PTPRD: variants seen among roughly 807,000 people sequenced by gnomAD.
PTPRD encodes the protein receptor-type tyrosine-protein phosphatase delta.
Under a neutral mutation model 214.5 loss-of-function variants are expected in PTPRD, and 34 were observed. That is an observed-to-expected ratio of 0.16 (90% CI 0.12 to 0.21). The LOEUF is 0.21. Ranked by LOEUF, PTPRD falls within the 10% of genes least tolerant of loss-of-function variation. The probability of loss-of-function intolerance (pLI) is 1.00; values close to 1 mark genes in which losing one functional copy is unlikely to be tolerated. For synonymous variants in PTPRD, 1,128 were observed against 845.7 expected, an observed-to-expected ratio of 1.33 and a Z score of -5.79; for missense variants, 2,545 against 2,398.7, an observed-to-expected ratio of 1.06 and a Z score of -1.27.
At chr9:9,183,034 G>A (rs1353444435) in intron 10 of PTPRD, among the ~76,000 whole-genome samples, 2 of 151,740 alleles carry the variant, frequency 1.3e-5, no homozygotes, top group African/African-American at 2.4e-5. Flanking sequence ...TTCCCCCCAC[G>A]TTCAGGCCTA....
At chr9:8,811,242 A>T (rs745778476) in intron 11 of PTPRD, among the ~76,000 whole-genome samples, 7 of 152,076 alleles carry the variant, frequency 4.6e-5, no homozygotes, top group Non-Finnish European at 1.0e-4. Flanking sequence ...CCTTCCCGAC[A>T]ACTTCCCAGT....
intron 3 of PTPRD, among the ~76,000 whole-genome samples, chr9:10,095,083 A>C (rs2098469903): frequency 6.6e-6 from 1 of 151,422 alleles, no homozygotes; most frequent in South Asian, 2.1e-4. Context: ...ACAATTTTCA[A>C]AGAGGAAAGA....
intron 11 of PTPRD, chr9:8,861,826 TC>T (rs1459053733): frequency 6.6e-6 from 1 of 152,194 alleles, no homozygotes; most frequent in East Asian, 1.9e-4. Flanking sequence ...GTGAGGAATT[TC>T]ATAAAACACT....
intron 8 of PTPRD, among the ~76,000 whole-genome samples, chr9:9,503,488 A>T (rs1019379822): frequency 4.0e-5 from 6 of 151,798 alleles, no homozygotes; most frequent in African/African-American, 7.2e-5. Flanking sequence ...CTGGGCTCAT[A>T]ACTGTAAGAC....
chr9:9,819,060 G>C (rs1437789580), intron 5 of PTPRD, among the ~76,000 whole-genome samples: 1 of 151,832 alleles, frequency 6.6e-6, no homozygotes, highest in Non-Finnish European at 1.5e-5. Flanking sequence ...CTGTCGAAAT[G>C]TTCCCTGATA....
chr9:8,910,551 C>T (rs1010673765), intron 11 of PTPRD, among the ~76,000 whole-genome samples: 24 of 152,126 alleles, frequency 1.6e-4, no homozygotes, highest in Non-Finnish European at 1.0e-4. Flanking sequence ...CCATGTGATA[C>T]CCTGCACTGC....
intron 11 of PTPRD, among the ~76,000 whole-genome samples, chr9:8,802,119 G>C (rs2096583978): frequency 6.6e-6 from 1 of 152,074 alleles, no homozygotes; most frequent in Admixed American, 6.5e-5. Flanking sequence ...TTTAAATGTA[G>C]GCTTTTTCAG....
intron 11 of PTPRD, among the ~76,000 whole-genome samples, chr9:8,928,351 C>T (rs184004773): frequency 6.6e-6 from 1 of 152,236 alleles, no homozygotes; most frequent in East Asian, 1.9e-4. Context: ...ACATTTAAGT[C>T]TTTAATCCAT....
chr9:10,347,795 C>T (rs146614831), intron 2 of PTPRD, among the ~76,000 whole-genome samples: 48 of 152,060 alleles, frequency 3.2e-4, no homozygotes, highest in African/African-American at 8.2e-4. Context: ...CAGTGGCTCA[C>T]GCCTGTAATC....
intron 3 of PTPRD, among the ~76,000 whole-genome samples, chr9:10,248,082 C>G (rs142991087): frequency 6.6e-6 from 1 of 152,094 alleles, no homozygotes; most frequent in African/African-American, 2.4e-5. Context: ...TCACTTTCTG[C>G]CATGATTAGG....
At chr9:8,595,610 T>C (rs1476826306) in intron 14 of PTPRD, among the ~76,000 whole-genome samples, 1 of 152,216 alleles carries the variant, frequency 6.6e-6, no homozygotes, top group East Asian at 1.9e-4. Flanking sequence ...AGCATCAAGA[T>C]AAACTCTTTG....
At chr9:8,679,284 A>G (rs2097502652) in intron 12 of PTPRD, among the ~76,000 whole-genome samples, 1 of 152,184 alleles carries the variant, frequency 6.6e-6, no homozygotes, top group African/African-American at 2.4e-5. Flanking sequence ...TCTTGATACG[A>G]TTTCTGATCT....
rs144784280 is a variant in PTPRD, at chr9:9,948,053, G to T, written c.-471-9443C>A. On this transcript the variant is annotated intron_variant, in intron 4 of 45. Transcript: ENST00000381196. ...ATAGATGAAGAAAGGTAAAAATGAA[G>T]ACAGAGGAAAAAGGAGAAAGCTCAG... 2.6e-3 allele frequency among the ~76,000 whole-genome samples: 395 copies of T among 151,938 alleles called. 2 individuals carry two copies. Among genetic ancestry groups the T allele is most frequent in the African/African-American group, 9.0e-3 (372 of 41,464 alleles).
intron 9 of PTPRD, among the ~76,000 whole-genome samples, chr9:9,320,113 A>G (rs1279210990): frequency 3.9e-5 from 6 of 152,208 alleles, no homozygotes; most frequent in Non-Finnish European, 8.8e-5. Context: ...ATAAAAATCA[A>G]CTCAAATTTA....
At chr9:9,285,820 C>T (rs1949162078) in intron 9 of PTPRD, among the ~76,000 whole-genome samples, 1 of 151,730 alleles carries the variant, frequency 6.6e-6, no homozygotes, top group Non-Finnish European at 1.5e-5. Context: ...GCTTTCATGG[C>T]CTCAACTACT....
intron 4 of PTPRD, among the ~76,000 whole-genome samples, chr9:10,019,614 C>T (rs1243478980): frequency 6.6e-6 from 1 of 152,100 alleles, no homozygotes; most frequent in African/African-American, 2.4e-5. Context: ...AGGATGAGTT[C>T]ATGTCCTTTG....
At chr9:10,590,328 G>A (rs1003199468) in intron 2 of PTPRD, among the ~76,000 whole-genome samples, 3 of 151,842 alleles carry the variant, frequency 2.0e-5, no homozygotes, top group Non-Finnish European at 2.9e-5. Flanking sequence ...CAGCTTAATT[G>A]AGGTATAATT....
At chr9:10,302,659 G>C (rs184142984) in intron 3 of PTPRD, among the ~76,000 whole-genome samples, 22 of 152,282 alleles carry the variant, frequency 1.4e-4, no homozygotes, top group African/African-American at 4.8e-4. Flanking sequence ...GATCAAAAGA[G>C]ACAAAGAAGG....
intron 7 of PTPRD, among the ~76,000 whole-genome samples, chr9:9,696,667 T>C (rs963444042): frequency 2.0e-5 from 3 of 152,142 alleles, no homozygotes; most frequent in Non-Finnish European, 2.9e-5. Flanking sequence ...TTATTCCCTT[T>C]CTTCAACTTA....
Sources: allele counts gnomAD v4.1 joint callset (sites outside exome capture counted in the v4.1 genomes callset), GRCh38; gene constraint gnomAD v4.1.1; transcripts MANE v1.5; gene names NCBI Gene and HGNC (gene_info 2026-07-23, HGNC 2026-07-21).